Variants in MYO1B observed in about 807,000 individuals in gnomAD.
MYO1B encodes the protein unconventional myosin-Ib.
A neutral mutation model predicts 159.7 loss-of-function variants in MYO1B; 72 were observed. The observed-to-expected ratio is 0.45, with a 90% CI of 0.37 to 0.55. The LOEUF (loss-of-function observed/expected upper bound fraction) is 0.55. Ranked by LOEUF, MYO1B falls within the 20% of genes least tolerant of loss-of-function variation. The pLI, the probability that MYO1B is intolerant of heterozygous loss-of-function variation, is 0.00. For missense variants in MYO1B, 1,062 were observed against 1,364.8 expected, an observed-to-expected ratio of 0.78 and a Z score of 3.50; for synonymous variants, 468 against 473.8, an observed-to-expected ratio of 0.99 and a Z score of 0.16.
chr2:191,275,714 T>C (rs1687711001), intron 1 of MYO1B, among the ~76,000 whole-genome samples: 1 of 152,258 alleles, frequency 6.6e-6, no homozygotes, highest in Admixed American at 6.5e-5. Flanking sequence ...TATTCTGAAG[T>C]GTGATTGAGT....
chr2:191,329,732 A>G (rs562330494), intron 3 of MYO1B, among the ~76,000 whole-genome samples: 2 of 151,388 alleles, frequency 1.3e-5, no homozygotes, highest in East Asian at 3.9e-4. Flanking sequence ...TTTGGTTAAT[A>G]GAGAATACAT....
chr2:191,342,199 G>T (rs1692266824), intron 5 of MYO1B, among the ~76,000 whole-genome samples: 1 of 152,186 alleles, frequency 6.6e-6, no homozygotes, highest in African/African-American at 2.4e-5. Context: ...CCATCTTGCT[G>T]TATGCTCACT....
chr2:191,278,459 T>C (rs1266361677), intron 2 of MYO1B, among the ~76,000 whole-genome samples: 1 of 152,248 alleles, frequency 6.6e-6, no homozygotes, highest in Non-Finnish European at 1.5e-5. Flanking sequence ...AGGATGATTT[T>C]GAGTAATGTA....
intron 4 of MYO1B, among the ~76,000 whole-genome samples, chr2:191,337,573 A>G (rs1299896286): frequency 6.6e-6 from 1 of 152,062 alleles, no homozygotes; most frequent in African/African-American, 2.4e-5. Context: ...AGAGATTTTG[A>G]CCCCAGAGGC....
chr2:191,327,495 A>G (rs1406746783), intron 3 of MYO1B, among the ~76,000 whole-genome samples: 2 of 152,254 alleles, frequency 1.3e-5, no homozygotes, highest in East Asian at 3.8e-4. Context: ...AGATGAAGAC[A>G]CTGAAGTTCA....
chr2:191,286,957 C>T (rs1350045452), intron 2 of MYO1B, among the ~76,000 whole-genome samples: 1 of 151,994 alleles, frequency 6.6e-6, no homozygotes. Context: ...CAAAACAGAC[C>T]ATTTTGTAAA....
At chr2:191,301,821 G>A (rs566890148) in intron 3 of MYO1B, among the ~76,000 whole-genome samples, 6 of 152,156 alleles carry the variant, frequency 3.9e-5, no homozygotes, top group East Asian at 1.9e-4. Flanking sequence ...TTTTGTGTTG[G>A]GTGATTGCCT....
chr2:191,245,784 C>A (rs1424991321), intron 1 of MYO1B, 158 bp downstream of exon 1: 1 of 148,860 alleles, frequency 6.7e-6, no homozygotes, highest in African/African-American at 2.4e-5. Context: ...TTGGGAGACG[C>A]GGCGCTGCGG....
At position 191,315,272 on chromosome 2, in the gene MYO1B, A is replaced by C. The variant is rs117601252; in HGVS notation, c.252-14663A>C. Among the ~76,000 whole-genome samples, 102 of 152,248 alleles carry C rather than the reference A, an allele frequency of 6.7e-4. 1 individual carries two copies. The East Asian group carries it at 0.013, about 20-fold the overall frequency. On this transcript the variant is annotated intron_variant, in intron 3 of 30. Coordinates refer to ENST00000392318, the MANE Select transcript of MYO1B (RefSeq NM_001130158.3). ...TGTGTGCATATATTTTAGTCATACCAATTGCCTTTTTTAGTTTTTATGGTT... is the reference window on the plus strand; with the variant it reads ...TGTGTGCATATATTTTAGTCATACCCATTGCCTTTTTTAGTTTTTATGGTT...
chr2:191,365,454 T>C (rs1350077450), intron 11 of MYO1B, among the ~76,000 whole-genome samples: 3 of 152,346 alleles, frequency 2.0e-5, no homozygotes, highest in South Asian at 2.1e-4. Context: ...GCAAATACCA[T>C]AACTTTATAT....
intron 18 of MYO1B, among the ~76,000 whole-genome samples, chr2:191,391,522 G>A (rs1390951531): frequency 6.6e-6 from 1 of 152,100 alleles, no homozygotes; most frequent in Non-Finnish European, 1.5e-5. Context: ...TACAGAATGT[G>A]TATTCACTCC....
At chr2:191,320,616 GA>G (rs1207405284) in intron 3 of MYO1B, among the ~76,000 whole-genome samples, 2 of 152,028 alleles carry the variant, frequency 1.3e-5, no homozygotes, top group Non-Finnish European at 2.9e-5. Flanking sequence ...AATGGCTACA[GA>G]TTTGGTTTTC....
In MYO1B at chr2:191,245,469, C is replaced by T. The variant is rs1462485162; in HGVS notation, c.-167C>T. 2.0e-5 allele frequency: 3 copies of T among 152,036 alleles called. No homozygotes were observed. The highest frequency in any genetic ancestry group is 7.2e-5 in the African/African-American group (3 of 41,418). The allele number at this position is 152,036 out of a possible 1,614,324, so 9.4% of individuals were successfully genotyped here. ...GGCGCGTGGAGGCAGTACCAGAGCG[C>T]GCGGCGCGCAGTCGGCCGGCAGCCG... is the stretch of plus-strand genomic sequence containing the variant. On this transcript the variant is annotated 5_prime_UTR_variant, in exon 1 of 31. Transcript: ENST00000392318.
rs544541992 is a variant in MYO1B at position 191,333,641 on chromosome 2, A to C, written c.346+3612A>C. On this transcript the variant is annotated intron_variant, in intron 4 of 30. Transcript: ENST00000392318. ...ATGGGTTTCTCTCCTTTCTCTCTTG[A>C]TTACCCCTAATTCCATTTTACAGAC... 3.3e-5 allele frequency among the ~76,000 whole-genome samples: 5 copies of C among 151,914 alleles called. No homozygotes were observed. The South Asian group carries it at 1.0e-3, about 32-fold the overall frequency.
chr2:191,297,372 A>G (rs1479742427), intron 3 of MYO1B, among the ~76,000 whole-genome samples: 2 of 152,220 alleles, frequency 1.3e-5, no homozygotes, highest in African/African-American at 4.8e-5. Context: ...CTTTTATGCA[A>G]TAAACTGTTG....
At chr2:191,324,279 C>A (rs1230299284) in intron 3 of MYO1B, among the ~76,000 whole-genome samples, 2 of 151,956 alleles carry the variant, frequency 1.3e-5, no homozygotes, top group Admixed American at 1.3e-4. Flanking sequence ...ATTTGTCATT[C>A]AATTATTTAT....
chr2:191,324,756 C>T (rs1690945937), intron 3 of MYO1B, among the ~76,000 whole-genome samples: 2 of 152,240 alleles, frequency 1.3e-5, no homozygotes, highest in Middle Eastern at 6.8e-3. Flanking sequence ...TAGGACAAGA[C>T]TGCAGTGAAG....
chr2:191,396,313 A>G, intron 20 of MYO1B, 116 bp from the exon 21 acceptor site: 1 of 1,018,754 alleles, frequency 9.8e-7, no homozygotes, highest in Non-Finnish European at 1.5e-6. Context: ...TGGTTTCCAG[A>G]AGGAGTATGG....
chr2:191,314,768 T>C (rs1690238235), intron 3 of MYO1B, among the ~76,000 whole-genome samples: 1 of 152,234 alleles, frequency 6.6e-6, no homozygotes, highest in East Asian at 1.9e-4. Flanking sequence ...ATGAAAATTT[T>C]AGAAAAGATT....
Sources: gnomAD v4.1 joint callset for allele counts (sites outside exome capture counted in the v4.1 genomes callset) on GRCh38, gnomAD v4.1.1 for gene constraint, MANE v1.5 for transcripts, NCBI Gene and HGNC (gene_info 2026-07-23, HGNC 2026-07-21) for gene names.